MARCHF1: variants seen among roughly 807,000 people sequenced by gnomAD.
MARCHF1 encodes membrane associated ring-CH-type finger 1.
Under a neutral mutation model 54.2 loss-of-function variants are expected in MARCHF1, and 40 were observed. That is an observed-to-expected ratio of 0.74 (90% CI 0.57 to 0.96). The LOEUF (loss-of-function observed/expected upper bound fraction) is 0.96. MARCHF1 is among the 40% of genes least tolerant of loss of function. MARCHF1 has a pLI of 0.00. For synonymous variants in MARCHF1, 236 were observed against 236.3 expected (o/e 1.00, Z 0.01); for missense variants, 586 against 656.5 (o/e 0.89, Z 1.17).
chr4:163,674,381 C>CA (rs1743839409), intron 5 of MARCHF1, among the ~76,000 whole-genome samples: 1 of 152,080 alleles, frequency 6.6e-6, no homozygotes, highest in Non-Finnish European at 1.5e-5. Context: ...TTGATGAAGA[C>CA]AAGTGGAGCT....
chr4:164,296,495 G>A lies in MARCHF1; in HGVS notation c.-323+87375C>T, dbSNP rs58672228. Among the ~76,000 whole-genome samples, 1,090 of 152,140 alleles carry A rather than the reference G, an allele frequency of 7.2e-3. 8 individuals are homozygous for A. Among genetic ancestry groups the A allele is most frequent in the African/African-American group, 0.015 (639 of 41,504 alleles). Reference sequence around the variant, plus strand: ...TCAAGCAATTCTGCCTCAGCTTCCCGAGTAGGTGGGATTACAGGCAGATCC... The same window carrying A: ...TCAAGCAATTCTGCCTCAGCTTCCCAAGTAGGTGGGATTACAGGCAGATCC... On this transcript the variant is annotated intron_variant, in intron 1 of 9. Transcript: ENST00000514618.
At chr4:163,739,594 C>A (rs1192363436) in intron 4 of MARCHF1, among the ~76,000 whole-genome samples, 2 of 152,164 alleles carry the variant, frequency 1.3e-5, no homozygotes, top group Non-Finnish European at 2.9e-5. Flanking sequence ...TTAACGAACA[C>A]TCTTCAGTAT....
At chr4:164,016,270 G>A (rs1753541179) in intron 2 of MARCHF1, among the ~76,000 whole-genome samples, 1 of 152,110 alleles carries the variant, frequency 6.6e-6, no homozygotes, top group South Asian at 2.1e-4. Flanking sequence ...CAGGCAAGGA[G>A]TGTGTGAAGG....
At chr4:163,717,993 T>C (rs1745319962) in intron 4 of MARCHF1, among the ~76,000 whole-genome samples, 1 of 152,118 alleles carries the variant, frequency 6.6e-6, no homozygotes, top group Non-Finnish European at 1.5e-5. Flanking sequence ...TCAGAAATAA[T>C]GCCACATAGC....
chr4:163,906,128 G>C (rs1198546717), intron 3 of MARCHF1, among the ~76,000 whole-genome samples: 1 of 151,930 alleles, frequency 6.6e-6, no homozygotes, highest in Non-Finnish European at 1.5e-5. Flanking sequence ...TCAAATGATG[G>C]CTAGTTTATT....
chr4:163,885,680 C>G (rs1009444445), intron 3 of MARCHF1, among the ~76,000 whole-genome samples: 1 of 151,900 alleles, frequency 6.6e-6, no homozygotes, highest in African/African-American at 2.4e-5. Context: ...TCAGCTTTAC[C>G]TCACTTTTTT....
intron 1 of MARCHF1, among the ~76,000 whole-genome samples, chr4:164,371,509 T>G (rs2110958280): frequency 6.6e-6 from 1 of 152,264 alleles, no homozygotes; most frequent in South Asian, 2.1e-4. Context: ...GACAAAAAGT[T>G]AGTACTTAGA....
chr4:163,716,036 G>A lies in MARCHF1; in HGVS notation c.112-15173C>T, dbSNP rs77748659. 6.6e-5 allele frequency among the ~76,000 whole-genome samples: 10 copies of A among 152,238 alleles called. No individual in the cohort carries two copies. The East Asian group carries it at 1.9e-3, about 29-fold the overall frequency. ...TATGTGCTGTCATCAAAATACGGGTGATCCAAAATAAAGCAGTGTAACTAA... is the reference window on the plus strand; with the variant it reads ...TATGTGCTGTCATCAAAATACGGGTAATCCAAAATAAAGCAGTGTAACTAA... On this transcript the variant is annotated intron_variant, in intron 4 of 9. Coordinates refer to ENST00000514618, the MANE Select transcript of MARCHF1 (RefSeq NM_001394959.1).
chr4:163,727,844 A>T (rs946194299), intron 4 of MARCHF1, among the ~76,000 whole-genome samples: 1 of 150,506 alleles, frequency 6.6e-6, no homozygotes, highest in African/African-American at 2.4e-5. Context: ...GGGTATTTTT[A>T]TTGTTTTATT....
At chr4:163,817,465 C>CAG (rs1748572161) in intron 4 of MARCHF1, among the ~76,000 whole-genome samples, 1 of 146,736 alleles carries the variant, frequency 6.8e-6, no homozygotes, top group Non-Finnish European at 1.5e-5. Context: ...AGGAGAGCAA[C>CAG]ACACACACAC....
intron 4 of MARCHF1, among the ~76,000 whole-genome samples, chr4:163,736,376 T>C (rs1005179400): frequency 1.3e-5 from 2 of 152,158 alleles, no homozygotes; most frequent in Non-Finnish European, 2.9e-5. Context: ...ATGATTCACA[T>C]CCCAGGTGGG....
chr4:163,770,894 G>A (rs1024218671), intron 4 of MARCHF1, among the ~76,000 whole-genome samples: 8 of 152,166 alleles, frequency 5.3e-5, no homozygotes, highest in African/African-American at 1.7e-4. Context: ...ATATGGGCAC[G>A]AGTGTTAACA....
chr4:164,161,193 G>C (rs530858476), intron 1 of MARCHF1, among the ~76,000 whole-genome samples: 4 of 152,040 alleles, frequency 2.6e-5, no homozygotes, highest in African/African-American at 9.7e-5. Flanking sequence ...TTCTGTCCTC[G>C]TGATAGGGAG....
intron 4 of MARCHF1, among the ~76,000 whole-genome samples, chr4:163,785,348 T>C (rs1230051755): frequency 6.6e-6 from 1 of 152,122 alleles, no homozygotes; most frequent in Non-Finnish European, 1.5e-5. Context: ...ACTCATCCAT[T>C]TGTATAGCTT....
chr4:164,151,344 A>T (rs1336493525), intron 1 of MARCHF1, among the ~76,000 whole-genome samples: 3 of 152,190 alleles, frequency 2.0e-5, no homozygotes, highest in African/African-American at 7.2e-5. Flanking sequence ...AATTACGGAA[A>T]CTACCACCAG....
chr4:164,255,119 C>A (rs550973700), intron 1 of MARCHF1, among the ~76,000 whole-genome samples: 1 of 152,218 alleles, frequency 6.6e-6, no homozygotes, highest in South Asian at 2.1e-4. Flanking sequence ...TGTAGCCTAT[C>A]TAATTCTATA....
intron 5 of MARCHF1, among the ~76,000 whole-genome samples, chr4:163,650,486 T>C (rs1268249522): frequency 1.3e-5 from 2 of 151,908 alleles, no homozygotes; most frequent in Admixed American, 6.6e-5. Context: ...AGTTTCTTTG[T>C]CTGTAAAATA....
rs568950933 is a variant in MARCHF1 at position 164,042,474 on chromosome 4, T to C, written c.-247-53765A>G. On this transcript the variant is annotated intron_variant, in intron 2 of 9. Coordinates refer to ENST00000514618, the MANE Select transcript of MARCHF1 (RefSeq NM_001394959.1). ...CCACAAAGTTTTAAACAAACAGATC[T>C]CATGAGAACACACTCACTGTCATGA... Among the ~76,000 whole-genome samples, 13 of 152,190 alleles carry C rather than the reference T, an allele frequency of 8.5e-5. No homozygotes were observed. In the East Asian group the frequency reaches 2.3e-3, roughly 27 times the overall value.
At chr4:164,142,689 G>A (rs1756579271) in intron 1 of MARCHF1, among the ~76,000 whole-genome samples, 1 of 152,102 alleles carries the variant, frequency 6.6e-6, no homozygotes, top group African/African-American at 2.4e-5. Context: ...CATCATCAAA[G>A]ACCAAAAGTA....
Sources: gnomAD v4.1 joint callset for allele counts (sites outside exome capture counted in the v4.1 genomes callset) on GRCh38, gnomAD v4.1.1 for gene constraint, MANE v1.5 for transcripts, NCBI Gene and HGNC (gene_info 2026-07-23, HGNC 2026-07-21) for gene names.